Variants in PCDHGA7 observed in about 807,000 individuals in gnomAD.
The protein encoded by PCDHGA7 is protocadherin gamma subfamily A, 7.
PCDHGA7 carries 44 observed loss-of-function variants against 58.3 expected under a neutral mutation model. That is an observed-to-expected ratio of 0.75 (90% CI 0.59 to 0.97). The LOEUF is 0.97. Ranked by LOEUF, PCDHGA7 falls within the 50% of genes least tolerant of loss-of-function variation. PCDHGA7 has a pLI of 0.00. For synonymous variants in PCDHGA7, 516 were observed against 504.2 expected (o/e 1.02, Z -0.31); for missense variants, 1,266 against 1,188.7 (o/e 1.06, Z -0.96).
At chr5:141,478,142 G>C in intron 1 of PCDHGA7, 1 of 1,613,988 alleles carries the variant, frequency 6.2e-7, no homozygotes, top group South Asian at 1.1e-5. Flanking sequence ...AGCCCGAGCC[G>C]AGTTCCCCTC....
Position 141,485,967 on chromosome 5 carries a change from A to G in PCDHGA7, c.2425-8840A>G, listed in dbSNP as rs751904053. 2.5e-6 allele frequency: 4 copies of G among 1,614,194 alleles called. No individual in the cohort carries two copies. The South Asian group carries it at 4.4e-5, about 18-fold the overall frequency. On this transcript the variant is annotated intron_variant, in intron 1 of 3. Transcript: ENST00000518325. This position sits in a 1 kb window ranked among gnomAD's most constrained non-coding sequence, Gnocchi z 5.7. The stretch of plus-strand genomic sequence containing the variant: ...GCGGGCATGGTGCTCATCCAGCTCA[A>G]TGCCTCAGACCCGGACCTGGGTCCC...
intron 1 of PCDHGA7, chr5:141,399,710 T>C: frequency 6.2e-7 from 1 of 1,613,346 alleles, no homozygotes; most frequent in South Asian, 1.1e-5. Flanking sequence ...GAACTCACAC[T>C]ACAGGCCCGC....
intron 1 of PCDHGA7, among the ~76,000 whole-genome samples, chr5:141,400,846 A>G (rs1273650139): frequency 6.6e-6 from 1 of 152,190 alleles, no homozygotes; most frequent in Non-Finnish European, 1.5e-5. Context: ...ACATGTTTAT[A>G]TTTTATTGTA....
chr5:141,477,644 T>A lies in PCDHGA7; in HGVS notation c.2425-17163T>A. On this transcript the variant is annotated intron_variant, in intron 1 of 3. Coordinates refer to ENST00000518325, the MANE Select transcript of PCDHGA7 (RefSeq NM_018920.4). The surrounding 1 kb of genome is among the most constrained non-coding windows in gnomAD (Gnocchi z 4.9). ...TGAAACCGGGCTAGTGGGTCGCTAT[T>A]TCACAATAAATCGTGACAATGGCAT... The A allele has an allele frequency of 6.2e-7, 1 of 1,614,200 alleles. No homozygotes were observed. Among genetic ancestry groups the A allele is most frequent in the Non-Finnish European group, 8.5e-7 (1 of 1,180,036 alleles).
chr5:141,465,049 T>G (rs546927594), intron 1 of PCDHGA7, among the ~76,000 whole-genome samples: 1 of 152,016 alleles, frequency 6.6e-6, no homozygotes, highest in Non-Finnish European at 1.5e-5. Flanking sequence ...ACCCTATATA[T>G]TTTTTTGAAT....
At chr5:141,385,891 T>C (rs1366389515) in intron 1 of PCDHGA7, 2 of 152,892 alleles carry the variant, frequency 1.3e-5, no homozygotes, top group African/African-American at 4.8e-5. Flanking sequence ...AAGAATGAAA[T>C]GTGTGTGTAT....
chr5:141,428,025 G>C, intron 1 of PCDHGA7: 1 of 1,606,426 alleles, frequency 6.2e-7, no homozygotes, highest in Non-Finnish European at 8.5e-7. Flanking sequence ...ACGCGCCGCA[G>C]AGTCCGGCTA....
At chr5:141,481,919 A>C (rs1488201177) in intron 1 of PCDHGA7, among the ~76,000 whole-genome samples, 1 of 151,214 alleles carries the variant, frequency 6.6e-6, no homozygotes, top group Non-Finnish European at 1.5e-5. Context: ...ATCTCAAAAA[A>C]AAAAAAAAAA....
At chr5:141,478,239 C>G in intron 1 of PCDHGA7, 1 of 1,614,132 alleles carries the variant, frequency 6.2e-7, no homozygotes. Flanking sequence ...TTTGTGGTCA[C>G]AGTGTTCGGA....
rs764481830 is a variant in PCDHGA7, at chr5:141,384,930, C to A, written c.2031C>A (p.Ser677Arg). 1 of 1,614,060 alleles carries A rather than the reference C, an allele frequency of 6.2e-7. No homozygotes were observed. Among genetic ancestry groups the A allele is most frequent in the Admixed American group, 1.7e-5 (1 of 60,032 alleles). Reference protein sequence around the residue: ...SIPEVLADLGSLEPSDGPYNY... With the variant: ...SIPEVLADLGRLEPSDGPYNY... ...CCGAAGTCTTGGCCGACCTGGGCAG[C>A]CTTGAGCCCTCCGACGGTCCTTACA... Residue 677 changes from serine (S) to arginine (R), a missense_variant, in exon 1 of 4, where the codon AGC becomes AGA. Transcript: ENST00000518325.
intron 1 of PCDHGA7, chr5:141,388,368 A>G (rs1420676769): frequency 1.2e-6 from 2 of 1,614,026 alleles, no homozygotes; most frequent in Admixed American, 3.3e-5. Context: ...TGATGCGGAT[A>G]TTGGTAGCAA....
intron 1 of PCDHGA7, chr5:141,423,753 G>GC (rs1489142243): frequency 4.8e-6 from 3 of 626,014 alleles, no homozygotes; most frequent in African/African-American, 5.1e-5. Context: ...AACTGTTTGG[G>GC]GGGGGGGTGG....
At chr5:141,418,535 G>GC in intron 1 of PCDHGA7, 1 of 1,614,002 alleles carries the variant, frequency 6.2e-7, no homozygotes, top group Non-Finnish European at 8.5e-7. Context: ...AAGCGGTACT[G>GC]CTCAGATAAG....
At chr5:141,483,637 G>A (rs1365525499) in intron 1 of PCDHGA7, among the ~76,000 whole-genome samples, 1 of 145,878 alleles carries the variant, frequency 6.9e-6, no homozygotes, top group South Asian at 2.1e-4. Flanking sequence ...AAGGTATAGA[G>A]GGGTGTGTGT....
intron 1 of PCDHGA7, among the ~76,000 whole-genome samples, chr5:141,406,616 T>C (rs1226509680): frequency 1.3e-5 from 2 of 152,242 alleles, no homozygotes; most frequent in Non-Finnish European, 2.9e-5. Flanking sequence ...ACATCTTTTA[T>C]TCTCATATCT....
chr5:141,418,085 A>C lies in PCDHGA7; in HGVS notation c.2424+32762A>C, dbSNP rs1235378254. On this transcript the variant is annotated intron_variant, in intron 1 of 3. Transcript: ENST00000518325. The stretch of plus-strand genomic sequence containing the variant: ...AGTGAGCGCGGAGAAGCTGCACTTC[A>C]GCGTAGACGCGCAGAGCGGGGACTT... The C allele has an allele frequency of 2.5e-6, 4 of 1,613,936 alleles. No homozygotes were observed. The highest frequency in any genetic ancestry group is 3.4e-6 in the Non-Finnish European group (4 of 1,179,908).
intron 1 of PCDHGA7, among the ~76,000 whole-genome samples, chr5:141,469,436 G>T (rs556417221): frequency 6.6e-6 from 1 of 152,002 alleles, no homozygotes; most frequent in Non-Finnish European, 1.5e-5. Flanking sequence ...TTAGCTGGGC[G>T]TGGTGGTGCA....
At chr5:141,402,827 G>C in intron 1 of PCDHGA7, 10 of 1,330,136 alleles carry the variant, frequency 7.5e-6, no homozygotes, top group Non-Finnish European at 9.9e-6. Context: ...CTGCTCCCAG[G>C]CTGCAGCAAA....
At chr5:141,399,837 C>T in intron 1 of PCDHGA7, 4 of 1,613,130 alleles carry the variant, frequency 2.5e-6, no homozygotes, top group Non-Finnish European at 3.4e-6. Context: ...GCTCTGCGCT[C>T]TTCGATATGG....
Sources: gnomAD v4.1 joint callset for allele counts (sites outside exome capture counted in the v4.1 genomes callset) on GRCh38, gnomAD v4.1.1 for gene constraint, Gnocchi (gnomAD v3.1) non-coding constraint, MANE v1.5 for transcripts, NCBI Gene and HGNC (gene_info 2026-07-23, HGNC 2026-07-21) for gene names.